RSU1: variants seen among roughly 807,000 people sequenced by gnomAD.
The protein encoded by RSU1 is rsu-1.
In RSU1, 26 loss-of-function variants were observed where a neutral mutation model predicts 31.1. The observed-to-expected ratio is 0.84, with a 90% CI of 0.61 to 1.16. The LOEUF is 1.16. RSU1 is among the 50% of genes most tolerant of loss of function. RSU1 has a pLI of 0.00. For synonymous variants in RSU1, 164 were observed against 136.3 expected (o/e 1.20, Z -1.41); for missense variants, 320 against 339.1 (o/e 0.94, Z 0.44).
chr10:16,759,297 C>T (rs1317599671), intron 4 of RSU1, among the ~76,000 whole-genome samples: 7 of 151,908 alleles, frequency 4.6e-5, no homozygotes, highest in East Asian at 3.9e-4. Flanking sequence ...CTCAGGAGCT[C>T]GAGACCAGCC....
intron 8 of RSU1, among the ~76,000 whole-genome samples, chr10:16,623,538 TA>T (rs1834107120): frequency 6.6e-6 from 1 of 152,224 alleles, no homozygotes; most frequent in Non-Finnish European, 1.5e-5. Flanking sequence ...TTTAGATATA[TA>T]CCCACCAATG....
intron 7 of RSU1, 57 bp from the exon 8 acceptor site, chr10:16,695,212 AG>A: frequency 6.5e-7 from 1 of 1,529,246 alleles, no homozygotes; most frequent in Non-Finnish European, 8.9e-7. Context: ...ATCAGGTCTA[AG>A]AAGTCCTTCT....
intron 7 of RSU1, among the ~76,000 whole-genome samples, chr10:16,731,078 T>G (rs577496261): frequency 2.0e-5 from 3 of 152,292 alleles, no homozygotes; most frequent in Admixed American, 6.5e-5. Flanking sequence ...ACTCCCAAAG[T>G]GCTGGGATTA....
chr10:16,663,226 C>G lies in RSU1; in HGVS notation c.731+31797G>C, dbSNP rs76527603. On this transcript the variant is annotated intron_variant, in intron 8 of 8. Transcript: ENST00000345264. The stretch of plus-strand genomic sequence containing the variant: ...TCAAGGCAGTCCATTCAAAGGCATC[C>G]TGTTCTAAACAAAGGGCCCTACGTG... Among the ~76,000 whole-genome samples the G allele has an allele frequency of 3.3e-3, 508 of 152,242 alleles. 6 individuals carry two copies. Among genetic ancestry groups the G allele is most frequent in the African/African-American group, 0.012 (478 of 41,552 alleles).
chr10:16,772,400 C>T lies in RSU1; in HGVS notation c.161-7890G>A, dbSNP rs780616. Reference sequence around the variant, plus strand: ...CAGGAGGACGTATGAACTCTGAAATCTTGCAGGAACACCACTTCTAAATTG... The same window carrying T: ...CAGGAGGACGTATGAACTCTGAAATTTTGCAGGAACACCACTTCTAAATTG... On this transcript the variant is annotated intron_variant, in intron 3 of 8. Transcript: ENST00000345264. 6.1e-3 allele frequency among the ~76,000 whole-genome samples: 922 copies of T among 152,226 alleles called. 5 individuals are homozygous for T. Among genetic ancestry groups the T allele is most frequent in the Non-Finnish European group, 9.9e-3 (674 of 68,022 alleles).
intron 2 of RSU1, among the ~76,000 whole-genome samples, chr10:16,805,412 C>T (rs1396380999): frequency 3.3e-5 from 5 of 152,028 alleles, no homozygotes; most frequent in South Asian, 4.1e-4. Context: ...TGGCTCACGC[C>T]TGTAATCCGA....
At chr10:16,757,840 G>A (rs1379578451) in intron 4 of RSU1, among the ~76,000 whole-genome samples, 7 of 152,292 alleles carry the variant, frequency 4.6e-5, no homozygotes, top group Middle Eastern at 3.4e-3. Flanking sequence ...CGCTGCTTTC[G>A]GTTATCTCTT....
At chr10:16,761,484 G>A (rs1189743126) in intron 4 of RSU1, among the ~76,000 whole-genome samples, 19 of 151,972 alleles carry the variant, frequency 1.3e-4, no homozygotes, top group African/African-American at 4.8e-5. Flanking sequence ...ACAGCCGCCC[G>A]CCTCACACTT....
At chr10:16,778,015 T>TA (rs1282961711) in intron 3 of RSU1, among the ~76,000 whole-genome samples, 1 of 137,340 alleles carries the variant, frequency 7.3e-6, no homozygotes, top group African/African-American at 3.0e-5. Flanking sequence ...TAAGGTCATA[T>TA]ACCTTTTTTT....
At chr10:16,714,262 G>A (rs4747282) in intron 7 of RSU1, among the ~76,000 whole-genome samples, 1 of 151,992 alleles carries the variant, frequency 6.6e-6, no homozygotes, top group Non-Finnish European at 1.5e-5. Flanking sequence ...GTGCAGCTGT[G>A]TCAGGTGGCC....
intron 8 of RSU1, among the ~76,000 whole-genome samples, chr10:16,606,820 A>G (rs1264539490): frequency 6.6e-6 from 1 of 152,220 alleles, no homozygotes; most frequent in Non-Finnish European, 1.5e-5. Flanking sequence ...GACAAACGGT[A>G]GAAGCATACC....
chr10:16,612,753 C>T (rs1477177760), intron 8 of RSU1, among the ~76,000 whole-genome samples: 1 of 152,174 alleles, frequency 6.6e-6, no homozygotes, highest in African/African-American at 2.4e-5. Flanking sequence ...ACTATGTTCG[C>T]TAGTCAGCTC....
chr10:16,677,399 A>C (rs946810792), intron 8 of RSU1, among the ~76,000 whole-genome samples: 1 of 152,150 alleles, frequency 6.6e-6, no homozygotes. Context: ...AGTGTAATTG[A>C]GGCAAACTGT....
At chr10:16,756,279 G>T (rs1335123363) in intron 4 of RSU1, among the ~76,000 whole-genome samples, 1 of 152,228 alleles carries the variant, frequency 6.6e-6, no homozygotes, top group East Asian at 1.9e-4. Flanking sequence ...ATGTGAATAC[G>T]CTTAACACCA....
At position 16,590,988 on chromosome 10, in the gene RSU1, T is replaced by A. The variant is rs1474099841; in HGVS notation, c.*2406A>T. 6.6e-6 allele frequency: 1 copy of A among 152,232 alleles called. No individual in the cohort carries two copies. The highest frequency in any genetic ancestry group is 1.5e-5 in the Non-Finnish European group (1 of 68,050). 9.4% of individuals were successfully genotyped at this position (152,232 alleles called of 1,614,324 possible). A position where few individuals can be genotyped will look rare whatever the true frequency, so the allele number is the denominator to read the frequency against. On this transcript the variant is annotated 3_prime_UTR_variant, in exon 9 of 9. Coordinates refer to ENST00000345264, the MANE Select transcript of RSU1 (RefSeq NM_012425.4). ...GTGCGGTGGCTTAATCTCAGCTCAG[T>A]GCAACCTCTGCCTCCCGGGTTCAAT...
At chr10:16,639,974 A>G (rs1228346225) in intron 8 of RSU1, among the ~76,000 whole-genome samples, 1 of 152,244 alleles carries the variant, frequency 6.6e-6, no homozygotes, top group East Asian at 1.9e-4. Flanking sequence ...AAGGTTTCAT[A>G]TCAAAATTCC....
At chr10:16,673,205 T>G (rs570730024) in intron 8 of RSU1, among the ~76,000 whole-genome samples, 11 of 152,104 alleles carry the variant, frequency 7.2e-5, no homozygotes, top group Admixed American at 5.2e-4. Context: ...TCATCTCCGG[T>G]ACCTGGTAGG....
intron 8 of RSU1, among the ~76,000 whole-genome samples, chr10:16,668,630 TC>T (rs1835044870): frequency 6.6e-6 from 1 of 152,212 alleles, no homozygotes; most frequent in Non-Finnish European, 1.5e-5. Context: ...TTTACTGCTT[TC>T]CCTGGTTCTC....
chr10:16,669,647 C>T (rs566229206), intron 8 of RSU1, among the ~76,000 whole-genome samples: 89 of 152,064 alleles, frequency 5.9e-4, no homozygotes, highest in African/African-American at 1.9e-3. Context: ...TCTCATTGTT[C>T]GGCTCCCACT....
Sources: gnomAD v4.1 joint callset for allele counts (sites outside exome capture counted in the v4.1 genomes callset) on GRCh38, gnomAD v4.1.1 for gene constraint, MANE v1.5 for transcripts, NCBI Gene and HGNC (gene_info 2026-07-23, HGNC 2026-07-21) for gene names.